CD72: variants seen among roughly 807,000 people sequenced by gnomAD.
CD72 encodes the protein CD72 molecule.
CD72 carries 28 observed loss-of-function variants against 50.7 expected under a neutral mutation model. The observed-to-expected ratio is 0.55, with a 90% CI of 0.41 to 0.76. The LOEUF (loss-of-function observed/expected upper bound fraction) is 0.76. Among genes scored for constraint, CD72 ranks in the 30% least tolerant of loss-of-function variants. The pLI is 0.00. For missense variants in CD72, 403 were observed against 420.6 expected (o/e 0.96, Z 0.37); for synonymous variants, 176 against 171.2 (o/e 1.03, Z -0.22).
At chr9:35,611,971 T>A (rs181880537) in intron 6 of CD72, 52 bp from the exon 7 acceptor site, 1 of 973,824 alleles carries the variant, frequency 1.0e-6, no homozygotes, top group South Asian at 1.3e-5. Context: ...ATGAGAAATA[T>A]GGAAGAAAAT....
intron 1 of CD72, among the ~76,000 whole-genome samples, chr9:35,636,449 A>G (rs987923178): frequency 7.9e-5 from 12 of 152,232 alleles, no homozygotes; most frequent in African/African-American, 2.9e-4. Flanking sequence ...AAGGATAGGG[A>G]AGCAAGTTAG....
At chr9:35,624,578 A>C (rs940935794) in intron 1 of CD72, among the ~76,000 whole-genome samples, 13 of 152,160 alleles carry the variant, frequency 8.5e-5, no homozygotes, top group Middle Eastern at 3.2e-3. Flanking sequence ...CCTGATTATC[A>C]TGAGGGGTTA....
intron 6 of CD72, among the ~76,000 whole-genome samples, 194 bp downstream of exon 6, chr9:35,612,654 G>T (rs1483112317): frequency 4.6e-5 from 7 of 152,124 alleles, no homozygotes; most frequent in Non-Finnish European, 8.8e-5. Flanking sequence ...ACTAGGGGCT[G>T]CCTGGACCAC....
At position 35,610,014 on chromosome 9, in the gene CD72, C is replaced by T; in HGVS notation, c.*309G>A. ...AAAAGATTTCAATAAAACTGCCTGG[C>T]TGGCTCCGGGCCGCCCCTATCCGCT... On this transcript the variant is annotated 3_prime_UTR_variant, in exon 9 of 9. Transcript: ENST00000259633. 2.4e-6 allele frequency: 1 copy of T among 422,366 alleles called. No homozygotes were observed. Among genetic ancestry groups the T allele is most frequent in the Non-Finnish European group, 4.2e-6 (1 of 238,576 alleles). 26.2% of individuals were successfully genotyped at this position (422,366 alleles called of 1,614,324 possible).
At chr9:35,637,558 A>G (rs763262308) in intron 1 of CD72, among the ~76,000 whole-genome samples, 12 of 151,916 alleles carry the variant, frequency 7.9e-5, no homozygotes, top group Middle Eastern at 3.2e-3. Flanking sequence ...CTACCCTTCA[A>G]TCTCCCTGTC....
At chr9:35,614,846 A>G (rs1386071011) in intron 5 of CD72, among the ~76,000 whole-genome samples, 1 of 152,172 alleles carries the variant, frequency 6.6e-6, no homozygotes, top group African/African-American at 2.4e-5. Flanking sequence ...ATTTAAAAAA[A>G]TAAGTGAGTA....
rs756816514 is a variant in CD72 at position 35,616,241 on chromosome 9, C to A, written c.390G>T (p.Arg130Ser). 7 of 1,613,970 alleles carry A rather than the reference C, an allele frequency of 4.3e-6. No individual in the cohort carries two copies. Among genetic ancestry groups the A allele is most frequent in the African/African-American group, 2.7e-5 (2 of 74,912 alleles). ...GGCTGCTGTTAGTGACTTCCAGAAC[C>A]CTGTTCGTCTGCTGGAGCTGCTGAG... ...QVSQQLQQTN[R>S]VLEVTNSSLR... The change falls in exon 5 of 9, where the codon AGG (arginine) becomes AGT (serine). Residue 130 changes from arginine to serine, a missense_variant. Transcript: ENST00000259633.
At position 35,615,956 on chromosome 9, in the gene CD72, T is replaced by C. The variant is rs1474622722; in HGVS notation, c.675A>G (p.Thr225=). The C allele has an allele frequency of 1.2e-6, 2 of 1,613,242 alleles. No individual in the cohort carries two copies. Among genetic ancestry groups the C allele is most frequent in the Non-Finnish European group, 1.7e-6 (2 of 1,179,694 alleles). ...NMENRLKPFF[T]CGSADTCCPS... is the part of the protein sequence containing the mutation. Reference sequence around the variant, plus strand: ...CAGAGCGGATACCTGCTGAGCCGCATGTGAAGAAGGGCTTCAGTCTGTTCT... The same window carrying C: ...CAGAGCGGATACCTGCTGAGCCGCACGTGAAGAAGGGCTTCAGTCTGTTCT... Residue 225 remains threonine, a synonymous_variant, in exon 5 of 9, where the codon ACA becomes ACG. Transcript: ENST00000259633.
chr9:35,621,212 C>T (rs1823144349), upstream of CD72, among the ~76,000 whole-genome samples: 1 of 152,188 alleles, frequency 6.6e-6, no homozygotes, highest in Non-Finnish European at 1.5e-5. Context: ...ACCATACTAT[C>T]ATCATCTGAG....
At chr9:35,634,536 A>G (rs905569116) in intron 1 of CD72, among the ~76,000 whole-genome samples, 33 of 152,182 alleles carry the variant, frequency 2.2e-4, no homozygotes, top group Admixed American at 1.3e-3. Flanking sequence ...TATTTTTAGT[A>G]GAGACAGGGT....
chr9:35,642,738 T>C (rs1305914666), intron 1 of CD72: 1 of 152,186 alleles, frequency 6.6e-6, no homozygotes, highest in Admixed American at 6.5e-5. Context: ...AATTAGTGTA[T>C]ATAATGGCCT....
intron 1 of CD72, among the ~76,000 whole-genome samples, chr9:35,645,030 C>T (rs1823375380): frequency 1.3e-5 from 2 of 151,486 alleles, no homozygotes; most frequent in African/African-American, 4.9e-5. Context: ...GGAGAAACCC[C>T]GTTTACTAAA....
intron 8 of CD72, 79 bp downstream of exon 8, chr9:35,610,523 G>T: frequency 3.3e-6 from 3 of 912,492 alleles, no homozygotes; most frequent in South Asian, 2.0e-5. Context: ...TCGGGCCCCT[G>T]GGCCCCTGCT....
intron 1 of CD72, among the ~76,000 whole-genome samples, chr9:35,626,174 G>A (rs1464334716): frequency 6.6e-6 from 1 of 151,202 alleles, no homozygotes; most frequent in African/African-American, 2.4e-5. Context: ...ACTCATGGGA[G>A]GGGGTCAAAA....
At chr9:35,628,467 A>G (rs1823216409) in intron 1 of CD72, among the ~76,000 whole-genome samples, 1 of 152,224 alleles carries the variant, frequency 6.6e-6, no homozygotes, top group Non-Finnish European at 1.5e-5. Context: ...GGTGGCAGGC[A>G]CCTGTAGTAA....
chr9:35,621,693 A>C (rs1823148124), upstream of CD72, among the ~76,000 whole-genome samples: 1 of 152,158 alleles, frequency 6.6e-6, no homozygotes, highest in Non-Finnish European at 1.5e-5. Flanking sequence ...GAAAGGGAGA[A>C]CCTTTCCCAT....
rs368351982 is a variant in CD72 at position 35,611,809 on chromosome 9, G to A, written c.945C>T (p.Arg315=). 1.6e-5 allele frequency: 25 copies of A among 1,564,398 alleles called. No individual in the cohort carries two copies. Among genetic ancestry groups the A allele is most frequent in the African/African-American group, 2.7e-5 (2 of 73,904 alleles). The stretch of plus-strand genomic sequence containing the variant: ...AGAAGTCCTAACAAACTTACCTAGT[G>A]CGTTGTGTATCATCAGTCAACTTCC... The part of the protein sequence containing the change: ...KDWKLTDDTQ[R]TRTYAQSSKC... The change falls in exon 7 of 9, where the codon CGC becomes CGT. Residue 315 remains arginine (R), a synonymous_variant. Coordinates refer to ENST00000259633, the MANE Select transcript of CD72 (RefSeq NM_001782.3).
intron 1 of CD72, among the ~76,000 whole-genome samples, chr9:35,631,245 G>A (rs1823243207): frequency 6.6e-6 from 1 of 151,662 alleles, no homozygotes; most frequent in Non-Finnish European, 1.5e-5. Flanking sequence ...TGGTTTTTCT[G>A]GTACAATCAT....
In CD72 at chr9:35,616,227, G is replaced by A; in HGVS notation, c.404C>T (p.Thr135Ile). ...LQQTNRVLEV[T>I]NSSLRQQLRL... ...GAGCTGCTGCCTCAGGCTGCTGTTA[G>A]TGACTTCCAGAACCCTGTTCGTCTG... Residue 135 changes from threonine (T) to isoleucine (I), a missense_variant, in exon 5 of 9, where the codon ACT (threonine) becomes ATT (isoleucine). By Grantham distance (89) the Thr-to-Ile change is moderately conservative. Coordinates refer to ENST00000259633, the MANE Select transcript of CD72 (RefSeq NM_001782.3). 1.2e-6 allele frequency: 2 copies of A among 1,614,162 alleles called. No homozygotes were observed. The highest frequency in any genetic ancestry group is 8.5e-7 in the Non-Finnish European group (1 of 1,180,036).
Sources: allele counts gnomAD v4.1 joint callset (sites outside exome capture counted in the v4.1 genomes callset), GRCh38; gene constraint gnomAD v4.1.1; transcripts MANE v1.5; gene names NCBI Gene and HGNC (gene_info 2026-07-23, HGNC 2026-07-21).